DPH6: variants seen among roughly 807,000 people sequenced by gnomAD.
The protein encoded by DPH6 is diphthamine biosynthesis 6, also known as diphthine--ammonia ligase.
DPH6 carries 33 observed loss-of-function variants against 38.2 expected under a neutral mutation model. The observed-to-expected ratio is 0.86, with a 90% CI of 0.65 to 1.15. The LOEUF is 1.15. Among genes scored for constraint, DPH6 ranks in the 50% most tolerant of loss-of-function variants. The pLI, the probability that DPH6 is intolerant of heterozygous loss-of-function variation, is 0.00. For synonymous variants in DPH6, 108 were observed against 103.0 expected (o/e 1.05, Z -0.30); for missense variants, 325 against 320.0 (o/e 1.02, Z -0.12).
At chr15:35,316,661 G>C (rs977732848) in intron 3 of DPH6, among the ~76,000 whole-genome samples, 3 of 151,988 alleles carry the variant, frequency 2.0e-5, no homozygotes, top group Non-Finnish European at 4.4e-5. Flanking sequence ...AGAGGGAGCA[G>C]AAGAGAAAAA....
At chr15:35,536,154 A>AT (rs918612085) in intron 3 of DPH6, among the ~76,000 whole-genome samples, 1 of 151,714 alleles carries the variant, frequency 6.6e-6, no homozygotes, top group Non-Finnish European at 1.5e-5. Flanking sequence ...TTCTAGATTC[A>AT]TTTTTTTTCA....
Position 35,337,212 on chromosome 15 carries a change from C to T in DPH6, n.208-6135G>A, listed in dbSNP as rs564147423. 3.9e-5 allele frequency among the ~76,000 whole-genome samples: 6 copies of T among 152,186 alleles called. No homozygotes were observed. The South Asian group carries it at 6.2e-4, about 16-fold the overall frequency. Reference sequence around the variant, plus strand: ...GTCCAGGAATTTATCCATTTCTTTTCGATTTTCTAGTTTATTTGCATAGAG... The same window carrying T: ...GTCCAGGAATTTATCCATTTCTTTTTGATTTTCTAGTTTATTTGCATAGAG... On this transcript the variant is annotated intron_variant and non_coding_transcript_variant, in intron 3 of 3. Transcript: ENST00000558973.
chr15:35,247,468 G>A (rs2051644734), intron 3 of DPH6, among the ~76,000 whole-genome samples: 1 of 152,082 alleles, frequency 6.6e-6, no homozygotes, highest in South Asian at 2.1e-4. Flanking sequence ...TTTCATTACT[G>A]GAACTCACTT....
At chr15:35,369,057 A>G (rs16960823), downstream of DPH6, among the ~76,000 whole-genome samples, 49,579 of 151,684 alleles carry the variant, frequency 0.33, 8,986 homozygotes, top group African/African-American at 0.48. Context: ...AAGCTACTGA[A>G]GAAGATAGGA....
chr15:35,545,944 AGGCACATGCGGGCC>A lies in DPH6; in HGVS notation c.23+161_23+174del, dbSNP rs578224504. On this transcript the variant is annotated intron_variant, in intron 1 of 8. Transcript: ENST00000256538. ...GAGGAGGCGCGCCAGCCAGGGGCCG[AGGCACATGCGGGCC>A]GGCAACAGCGAAGGCTCCGCCTCTT... 9.5e-3 allele frequency among the ~76,000 whole-genome samples: 1,447 copies of A among 152,268 alleles called. 13 individuals carry two copies. The highest frequency in any genetic ancestry group is 0.016 in the Non-Finnish European group (1,080 of 67,998).
At chr15:35,425,066 A>G (rs76614262) in intron 5 of DPH6, among the ~76,000 whole-genome samples, 50,741 of 151,182 alleles carry the variant, frequency 0.34, 10,028 homozygotes, top group African/African-American at 0.56. Flanking sequence ...CATATAGTTG[A>G]GACAGCAACC....
chr15:35,352,612 A>T (rs2052524914), intron 3 of DPH6, among the ~76,000 whole-genome samples: 1 of 152,200 alleles, frequency 6.6e-6, no homozygotes, highest in African/African-American at 2.4e-5. Context: ...ACATGAACTC[A>T]TCATTTTTTA....
chr15:35,433,596 C>G (rs1351444628), intron 5 of DPH6, among the ~76,000 whole-genome samples: 2 of 152,162 alleles, frequency 1.3e-5, no homozygotes, highest in East Asian at 3.8e-4. Flanking sequence ...AGCATGAAAA[C>G]AGCCATAGAC....
At chr15:35,433,970 G>T (rs573843382) in intron 5 of DPH6, among the ~76,000 whole-genome samples, 1 of 152,284 alleles carries the variant, frequency 6.6e-6, no homozygotes, top group South Asian at 2.1e-4. Flanking sequence ...TTATGTGGTT[G>T]TGACATTCCC....
intron 3 of DPH6, among the ~76,000 whole-genome samples, chr15:35,316,521 A>G (rs900213052): frequency 6.6e-6 from 1 of 152,204 alleles, no homozygotes; most frequent in Non-Finnish European, 1.5e-5. Flanking sequence ...GAAGCTGAAG[A>G]GAGGCTTAGT....
At chr15:35,523,328 C>CATG (rs978713159) in intron 3 of DPH6, among the ~76,000 whole-genome samples, 6 of 147,006 alleles carry the variant, frequency 4.1e-5, no homozygotes, top group African/African-American at 1.5e-4. Context: ...TATTTGGAGA[C>CATG]ATGCTTTTTA....
At chr15:35,432,043 C>T (rs186529147) in intron 5 of DPH6, among the ~76,000 whole-genome samples, 4 of 152,234 alleles carry the variant, frequency 2.6e-5, no homozygotes, top group African/African-American at 9.6e-5. Context: ...GGGATTGGGG[C>T]TGCATATAAT....
At chr15:35,332,784 T>G (rs541523698) in intron 3 of DPH6, among the ~76,000 whole-genome samples, 1 of 152,118 alleles carries the variant, frequency 6.6e-6, no homozygotes, top group Non-Finnish European at 1.5e-5. Flanking sequence ...TATTGTTAAA[T>G]TACGAAGTAA....
downstream of DPH6, chr15:35,366,035 A>C (rs760162069): frequency 1.2e-4 from 122 of 981,980 alleles, no homozygotes; most frequent in Non-Finnish European, 1.4e-4. Flanking sequence ...GTTGGCAAAT[A>C]AAAGTCATCA....
the DPH6 span, among the ~76,000 whole-genome samples, chr15:35,196,505 A>G: frequency 1.3e-5 from 2 of 152,086 alleles, no homozygotes; most frequent in African/African-American, 4.8e-5. Context: ...ATGCTGGGAG[A>G]AGAGATGACA....
At chr15:35,361,145 C>T (rs946096277) in intron 3 of DPH6, among the ~76,000 whole-genome samples, 1 of 152,176 alleles carries the variant, frequency 6.6e-6, no homozygotes, top group Non-Finnish European at 1.5e-5. Context: ...TACTGACATG[C>T]AGCTGAGGCC....
chr15:35,412,314 T>C (rs934776596), intron 5 of DPH6, among the ~76,000 whole-genome samples: 35 of 151,666 alleles, frequency 2.3e-4, no homozygotes, highest in African/African-American at 8.5e-4. Flanking sequence ...CCTATTATAG[T>C]GGCCAAAATC....
At chr15:35,291,517 C>A (rs1367978211) in intron 3 of DPH6, among the ~76,000 whole-genome samples, 1 of 152,012 alleles carries the variant, frequency 6.6e-6, no homozygotes, top group African/African-American at 2.4e-5. Flanking sequence ...TTTATGGAGG[C>A]CTGTTATTTG....
At chr15:35,376,871 A>G (rs2052788423) in intron 7 of DPH6, among the ~76,000 whole-genome samples, 1 of 152,100 alleles carries the variant, frequency 6.6e-6, no homozygotes, top group Non-Finnish European at 1.5e-5. Flanking sequence ...GTATAAGTAT[A>G]CTCTGGTGCT....
Sources: gnomAD v4.1 joint callset for allele counts (sites outside exome capture counted in the v4.1 genomes callset) on GRCh38, gnomAD v4.1.1 for gene constraint, MANE v1.5 for transcripts, NCBI Gene and HGNC (gene_info 2026-07-23, HGNC 2026-07-21) for gene names.